The following MAP4K3 variants were observed in gnomAD, a reference collection of about 807,000 sequenced individuals.
MAP4K3 encodes mitogen-activated protein kinase kinase kinase kinase 3, also known as MAPK/ERK kinase kinase kinase 3.
A neutral mutation model predicts 143.5 loss-of-function variants in MAP4K3; 94 were observed. The observed-to-expected ratio is 0.65, with a 90% CI of 0.55 to 0.78. The LOEUF (loss-of-function observed/expected upper bound fraction) is 0.78, where lower values mean the gene tolerates loss of function less well. MAP4K3 is among the 30% of genes least tolerant of loss of function. MAP4K3 has a pLI of 0.00. For missense variants in MAP4K3, 1,077 were observed against 1,068.1 expected (o/e 1.01, Z -0.12); for synonymous variants, 416 against 347.2 (o/e 1.20, Z -2.20).
At chr2:39,410,131 C>A (rs1667196503) in intron 1 of MAP4K3, among the ~76,000 whole-genome samples, 1 of 152,168 alleles carries the variant, frequency 6.6e-6, no homozygotes, top group African/African-American at 2.4e-5. Context: ...TCTACTTACA[C>A]CTAGGTCTGG....
chr2:39,356,408 C>A, intron 2 of MAP4K3, 69 bp from the exon 3 acceptor site: 1 of 824,346 alleles, frequency 1.2e-6, no homozygotes, highest in Admixed American at 2.2e-5. Context: ...TTTCAAAACA[C>A]AATAAAATAA....
intron 20 of MAP4K3, among the ~76,000 whole-genome samples, chr2:39,287,232 G>C (rs558151328): frequency 6.6e-6 from 1 of 151,926 alleles, no homozygotes; most frequent in East Asian, 1.9e-4. Context: ...ACCAAATACT[G>C]AATTCATAAC....
chr2:39,258,584 G>C lies in MAP4K3; in HGVS notation c.2312C>G (p.Thr771Ser). Reference protein sequence around the residue: ...STSSWFTESDTPQTNVTHVTQ... With the variant: ...STSSWFTESDSPQTNVTHVTQ... ...TACATGAGTAACATTTGTCTGTGGG[G>C]TATCTACAATACAAACAAATTTTGG... The change falls in exon 30 of 34, where the codon ACC (threonine) becomes AGC (serine). Residue 771 changes from threonine (T) to serine (S), a missense_variant. Coordinates refer to ENST00000263881, the MANE Select transcript of MAP4K3 (RefSeq NM_003618.4). The C allele has an allele frequency of 6.2e-7, 1 of 1,611,880 alleles. No homozygotes were observed. Among genetic ancestry groups the C allele is most frequent in the East Asian group, 2.2e-5 (1 of 44,848 alleles).
intron 20 of MAP4K3, among the ~76,000 whole-genome samples, 187 bp downstream of exon 20, chr2:39,287,934 G>A (rs1681868995): frequency 6.6e-6 from 1 of 152,196 alleles, no homozygotes; most frequent in Non-Finnish European, 1.5e-5. Context: ...CTCAGACTGT[G>A]TCATAGGGAA....
chr2:39,430,650 C>A (rs1309392039), intron 1 of MAP4K3, among the ~76,000 whole-genome samples: 2 of 152,106 alleles, frequency 1.3e-5, no homozygotes, highest in African/African-American at 4.8e-5. Flanking sequence ...AAATAAAAGT[C>A]ATATGTGATA....
At position 39,325,639 on chromosome 2, in the gene MAP4K3, T is replaced by A. The variant is rs1166554347; in HGVS notation, c.808-11A>T. ...TGTTACAAAAGGATGCTATAAAAAT[T>A]AAATACAATGCAGAACACTTACTAT... is the stretch of plus-strand genomic sequence containing the variant. On this transcript the variant is annotated splice_polypyrimidine_tract_variant and intron_variant, in intron 11 of 33. Transcript: ENST00000263881. 1.3e-6 allele frequency: 2 copies of A among 1,597,886 alleles called. No individual in the cohort carries two copies. The highest frequency in any genetic ancestry group is 2.2e-5 in the South Asian group (2 of 90,652).
At chr2:39,369,193 G>GGTTTTTTTTTTGT (rs1666007403) in intron 2 of MAP4K3, among the ~76,000 whole-genome samples, 1 of 37,978 alleles carries the variant, frequency 2.6e-5, no homozygotes, top group African/African-American at 5.8e-5. Context: ...CTTTGGGCTA[G>GGTTTTTTTTTTGT]TTTTTTTTTT....
At chr2:39,299,339 G>A (rs1459282717) in intron 16 of MAP4K3, among the ~76,000 whole-genome samples, 1 of 152,026 alleles carries the variant, frequency 6.6e-6, no homozygotes, top group Non-Finnish European at 1.5e-5. Context: ...AAACCTTATA[G>A]CTAAAAAGTT....
intron 4 of MAP4K3, among the ~76,000 whole-genome samples, chr2:39,338,478 G>C (rs538525092): frequency 6.6e-6 from 1 of 152,172 alleles, no homozygotes; most frequent in South Asian, 2.1e-4. Flanking sequence ...CAATAGTTTG[G>C]TCTATAACCT....
intron 22 of MAP4K3, among the ~76,000 whole-genome samples, chr2:39,281,971 A>G (rs915654398): frequency 2.1e-4 from 32 of 152,102 alleles, no homozygotes; most frequent in African/African-American, 7.5e-4. Flanking sequence ...AGGTGCACAC[A>G]TCACCTGAGG....
chr2:39,319,974 T>C (rs1683250969), intron 12 of MAP4K3, among the ~76,000 whole-genome samples: 4 of 152,176 alleles, frequency 2.6e-5, no homozygotes, highest in Admixed American at 2.6e-4. Flanking sequence ...GACCATTATT[T>C]TTATTTTTTA....
At chr2:39,347,033 G>A (rs1385132753) in intron 3 of MAP4K3, among the ~76,000 whole-genome samples, 1 of 151,830 alleles carries the variant, frequency 6.6e-6, no homozygotes, top group African/African-American at 2.4e-5. Context: ...ATTTTCAGAG[G>A]GCCACCAAGG....
intron 4 of MAP4K3, among the ~76,000 whole-genome samples, chr2:39,342,737 C>A (rs1377030318): frequency 6.6e-6 from 1 of 151,950 alleles, no homozygotes; most frequent in Non-Finnish European, 1.5e-5. Context: ...AAAATAGGAG[C>A]CCAAATTCTA....
intron 2 of MAP4K3, among the ~76,000 whole-genome samples, chr2:39,369,327 C>G (rs1296788891): frequency 6.6e-6 from 1 of 151,496 alleles, no homozygotes; most frequent in Admixed American, 6.6e-5. Context: ...TCTCAAGTAG[C>G]TGGGAATACA....
At chr2:39,405,758 C>T (rs771343666) in intron 1 of MAP4K3, among the ~76,000 whole-genome samples, 1 of 151,972 alleles carries the variant, frequency 6.6e-6, no homozygotes, top group Non-Finnish European at 1.5e-5. Flanking sequence ...GTCCCATCTA[C>T]GTGGGAGGCT....
chr2:39,431,789 G>C (rs1456538027), intron 1 of MAP4K3, among the ~76,000 whole-genome samples: 2 of 152,166 alleles, frequency 1.3e-5, no homozygotes, highest in Non-Finnish European at 2.9e-5. Flanking sequence ...GTCAGGTACT[G>C]TCCCAAGCAC....
chr2:39,432,218 C>T (rs1400962531), intron 1 of MAP4K3, among the ~76,000 whole-genome samples: 1 of 152,178 alleles, frequency 6.6e-6, no homozygotes, highest in African/African-American at 2.4e-5. Context: ...ACTATTCATT[C>T]TTAATACAAA....
At chr2:39,298,164 T>C (rs1030472180) in intron 16 of MAP4K3, among the ~76,000 whole-genome samples, 1 of 152,090 alleles carries the variant, frequency 6.6e-6, no homozygotes, top group Admixed American at 6.5e-5. Flanking sequence ...GAAAATAACA[T>C]AAAAACACTT....
chr2:39,317,956 A>G (rs1683173437), intron 12 of MAP4K3, among the ~76,000 whole-genome samples: 1 of 152,206 alleles, frequency 6.6e-6, no homozygotes, highest in African/African-American at 2.4e-5. Context: ...CGTTATGTTC[A>G]TCGCAGTACT....
Sources: gnomAD v4.1 joint callset for allele counts (sites outside exome capture counted in the v4.1 genomes callset) on GRCh38, gnomAD v4.1.1 for gene constraint, MANE v1.5 for transcripts, NCBI Gene and HGNC (gene_info 2026-07-23, HGNC 2026-07-21) for gene names.